Variants in SLC7A14 observed in about 807,000 individuals in gnomAD.
SLC7A14 encodes gamma-aminobutyric acid transporter SLC7A14.
SLC7A14 carries 37 observed loss-of-function variants against 60.2 expected under a neutral mutation model. That is an observed-to-expected ratio of 0.61 (90% CI 0.47 to 0.81). The LOEUF (loss-of-function observed/expected upper bound fraction) is 0.81, where lower values mean the gene tolerates loss of function less well. Ranked by LOEUF, SLC7A14 falls within the 30% of genes least tolerant of loss-of-function variation. The probability of loss-of-function intolerance (pLI) is 0.00; values close to 1 mark genes in which losing one functional copy is unlikely to be tolerated. For synonymous variants in SLC7A14, 399 were observed against 395.8 expected (o/e 1.01, Z -0.10); for missense variants, 886 against 982.7 (o/e 0.90, Z 1.32).
chr3:170,548,985 G>C (rs1420832678), intron 1 of SLC7A14, among the ~76,000 whole-genome samples: 2 of 152,188 alleles, frequency 1.3e-5, no homozygotes, highest in Non-Finnish European at 2.9e-5. Flanking sequence ...CTGATACCAA[G>C]TCAGGATCTG....
intron 1 of SLC7A14, among the ~76,000 whole-genome samples, chr3:170,567,694 T>C (rs1285658707): frequency 6.6e-6 from 1 of 151,834 alleles, no homozygotes; most frequent in African/African-American, 2.4e-5. Flanking sequence ...TTTTAATGAT[T>C]GCCATTCTAA....
rs115276466 is a variant in SLC7A14 at position 170,520,932 on chromosome 3, C to T, written c.304+5701G>A. On this transcript the variant is annotated intron_variant, in intron 2 of 7. Transcript: ENST00000231706. ...ACTACATTAGAGAACCTCTGTAAACCATCCTGCCTCCACCCTTCAGTCTCT... is the reference window on the plus strand; with the variant it reads ...ACTACATTAGAGAACCTCTGTAAACTATCCTGCCTCCACCCTTCAGTCTCT... 2.2e-3 allele frequency among the ~76,000 whole-genome samples: 335 copies of T among 152,326 alleles called. 1 individual carries two copies. The highest frequency in any genetic ancestry group is 7.4e-3 in the African/African-American group (307 of 41,578).
In SLC7A14 at chr3:170,559,144, T is replaced by G. The variant is rs1218695320; in HGVS notation, c.-153+26767A>C. Among the ~76,000 whole-genome samples the G allele has an allele frequency of 2.6e-5, 4 of 152,348 alleles. No individual in the cohort carries two copies. In the South Asian group the frequency reaches 8.3e-4, roughly 32 times the overall value. ...TTGTCAATTGCCACCAGTATTAAAC[T>G]GATAGACGACAAGTTAAACAGCACA... On this transcript the variant is annotated intron_variant, in intron 1 of 7. Transcript: ENST00000231706.
chr3:170,518,526 C>A (rs1159813899), intron 2 of SLC7A14, among the ~76,000 whole-genome samples: 1 of 152,138 alleles, frequency 6.6e-6, no homozygotes, highest in Admixed American at 6.5e-5. Context: ...TAACAGCTTC[C>A]CTGCCTCCAT....
chr3:170,513,018 G>T (rs1266343108), intron 2 of SLC7A14, among the ~76,000 whole-genome samples: 1 of 152,090 alleles, frequency 6.6e-6, no homozygotes, highest in Non-Finnish European at 1.5e-5. Context: ...GGGGGTTATG[G>T]GTTACTGTTC....
chr3:170,515,318 C>CG (rs1264936349), intron 2 of SLC7A14, among the ~76,000 whole-genome samples: 1 of 96,586 alleles, frequency 1.0e-5, no homozygotes, highest in Admixed American at 9.9e-5. Flanking sequence ...GTCCGCCCCC[C>CG]CCAAAAAAAA....
chr3:170,512,750 G>A (rs999455746), intron 2 of SLC7A14, among the ~76,000 whole-genome samples: 41 of 128,128 alleles, frequency 3.2e-4, no homozygotes, highest in Non-Finnish European at 4.6e-4. Flanking sequence ...TGCAAGCTCC[G>A]CCTCCCGGGT....
intron 2 of SLC7A14, among the ~76,000 whole-genome samples, chr3:170,515,363 G>A (rs1713124314): frequency 6.6e-6 from 1 of 151,298 alleles, no homozygotes; most frequent in Non-Finnish European, 1.5e-5. Context: ...TTATGGATAT[G>A]GAAAGGTTGT....
chr3:170,554,835 A>G (rs1450185038), intron 1 of SLC7A14, among the ~76,000 whole-genome samples: 1 of 152,184 alleles, frequency 6.6e-6, no homozygotes, highest in Non-Finnish European at 1.5e-5. Context: ...GTGCCAGTGG[A>G]AAGTAATCTG....
intron 2 of SLC7A14, among the ~76,000 whole-genome samples, chr3:170,506,979 A>T (rs1712800417): frequency 6.6e-6 from 1 of 152,188 alleles, no homozygotes. Context: ...TCTCCACTTA[A>T]GACATAAATT....
intron 2 of SLC7A14, among the ~76,000 whole-genome samples, chr3:170,514,316 C>T (rs1174867399): frequency 6.6e-6 from 1 of 152,222 alleles, no homozygotes; most frequent in African/African-American, 2.4e-5. Flanking sequence ...GGCATAACTC[C>T]TTTTCATGAG....
At chr3:170,527,187 C>G (rs1246024662) in intron 1 of SLC7A14, 99 bp from the exon 2 acceptor site, 10 of 537,102 alleles carry the variant, frequency 1.9e-5, no homozygotes, top group African/African-American at 3.8e-5. Context: ...ACTGGTAGAA[C>G]TGGTCTACCC....
At chr3:170,488,654 A>G (rs575439427) in intron 4 of SLC7A14, among the ~76,000 whole-genome samples, 1 of 152,374 alleles carries the variant, frequency 6.6e-6, no homozygotes, top group East Asian at 1.9e-4. Context: ...AGGCAGAAGA[A>G]TGAAACTAGA....
intron 1 of SLC7A14, among the ~76,000 whole-genome samples, chr3:170,573,360 T>C (rs1018611819): frequency 1.3e-5 from 2 of 152,244 alleles, no homozygotes; most frequent in African/African-American, 4.8e-5. Flanking sequence ...CCTGAGACCA[T>C]GATTCTCACC....
At chr3:170,540,798 G>A (rs907773232) in intron 1 of SLC7A14, among the ~76,000 whole-genome samples, 12 of 152,182 alleles carry the variant, frequency 7.9e-5, no homozygotes, top group African/African-American at 2.9e-4. Flanking sequence ...CAGCCTTCAA[G>A]CTATTCAACT....
chr3:170,569,075 C>A (rs1290582856), intron 1 of SLC7A14, among the ~76,000 whole-genome samples: 1 of 152,072 alleles, frequency 6.6e-6, no homozygotes, highest in Admixed American at 6.5e-5. Context: ...GAGAGGGCAT[C>A]CCTGTCTTGT....
intron 4 of SLC7A14, 78 bp downstream of exon 4, chr3:170,498,589 G>T: frequency 7.5e-7 from 1 of 1,341,574 alleles, no homozygotes; most frequent in Non-Finnish European, 1.0e-6. Context: ...GCATTTTCTT[G>T]AAAATATGTC....
chr3:170,477,943 A>G lies in SLC7A14; in HGVS notation c.1993+2346T>C, dbSNP rs945641832. On this transcript the variant is annotated intron_variant, in intron 7 of 7. Transcript: ENST00000231706. Reference sequence around the variant, plus strand: ...GTGTCTTGAATAATTTGACAAATACATGACTGAAATATTTCTACCCACTTC... The same window carrying G: ...GTGTCTTGAATAATTTGACAAATACGTGACTGAAATATTTCTACCCACTTC... 2.6e-5 allele frequency among the ~76,000 whole-genome samples: 4 copies of G among 152,244 alleles called. No homozygotes were observed. The South Asian group carries it at 6.2e-4, about 24-fold the overall frequency.
rs557108685 is a variant in SLC7A14 at position 170,481,019 on chromosome 3, C to G, written c.1263G>C (p.Leu421Phe). The part of the protein sequence containing the change: ...MSIGTLLAYT[L>F]VSVCVLLLRY... ...GAAGGAGCAAGACACAGACAGAGAC[C>G]AAGGTGTAGGCCAGGAGCGTGCCGA... is the stretch of plus-strand genomic sequence containing the variant. The change falls in exon 7 of 8, where the codon TTG (leucine) becomes TTC (phenylalanine). Residue 421 changes from leucine (L) to phenylalanine (F), a missense_variant. Leu to Phe is a conservative substitution (Grantham distance 22, BLOSUM62 0). Transcript: ENST00000231706. 3 of 1,614,124 alleles carry G rather than the reference C, an allele frequency of 1.9e-6. No individual in the cohort carries two copies. The Admixed American group carries it at 5.0e-5, about 27-fold the overall frequency.
Sources: gnomAD v4.1 joint callset for allele counts (sites outside exome capture counted in the v4.1 genomes callset) on GRCh38, gnomAD v4.1.1 for gene constraint, MANE v1.5 for transcripts, NCBI Gene and HGNC (gene_info 2026-07-23, HGNC 2026-07-21) for gene names.